Variants in ATAD1 observed in about 807,000 individuals in gnomAD.
ATAD1 encodes the protein outer mitochondrial transmembrane helix translocase.
ATAD1 carries 18 observed loss-of-function variants against 42.7 expected under a neutral mutation model. The ratio of observed to expected loss-of-function variants is 0.42; its 90% confidence interval spans 0.29 to 0.63. The LOEUF (loss-of-function observed/expected upper bound fraction) is 0.63, where lower values mean the gene tolerates loss of function less well. ATAD1 is among the 20% of genes least tolerant of loss of function. The probability of loss-of-function intolerance (pLI) is 0.19; values close to 1 mark genes in which losing one functional copy is unlikely to be tolerated. For missense variants in ATAD1, 294 were observed against 440.4 expected, an observed-to-expected ratio of 0.67 and a Z score of 2.98; for synonymous variants, 132 against 143.1, an observed-to-expected ratio of 0.92 and a Z score of 0.55.
At chr10:87,781,584 T>C (rs1444174250) in intron 5 of ATAD1, among the ~76,000 whole-genome samples, 1 of 152,170 alleles carries the variant, frequency 6.6e-6, no homozygotes, top group Non-Finnish European at 1.5e-5. Flanking sequence ...TTAGAATTGA[T>C]GAAATACTGT....
At chr10:87,758,593 AAC>A (rs1434447722) in intron 8 of ATAD1, among the ~76,000 whole-genome samples, 5 of 152,174 alleles carry the variant, frequency 3.3e-5, no homozygotes, top group African/African-American at 9.6e-5. Context: ...AAGGGAAAAA[AAC>A]AGTCTTTGTG....
At chr10:87,776,844 T>A (rs534804165) in intron 5 of ATAD1, among the ~76,000 whole-genome samples, 4 of 152,170 alleles carry the variant, frequency 2.6e-5, no homozygotes, top group African/African-American at 9.6e-5. Context: ...AGATGATGGG[T>A]ATTCTAATTA....
At chr10:87,755,525 C>CA (rs1022863916) in intron 9 of ATAD1, among the ~76,000 whole-genome samples, 57 of 152,002 alleles carry the variant, frequency 3.7e-4, no homozygotes, top group African/African-American at 1.3e-3. Flanking sequence ...TTTGAGGCAG[C>CA]AAAAAAATAG....
upstream of ATAD1, chr10:87,819,291 A>AAAAAC (rs1857577718): frequency 3.5e-5 from 5 of 141,934 alleles, no homozygotes; most frequent in Admixed American, 7.0e-5. Flanking sequence ...AAAAAAAAAA[A>AAAAAC]CCACCTAAAA....
At chr10:87,841,088 AGG>A in intron 1 of ATAD1, 1 of 152,238 alleles carries the variant, frequency 6.6e-6, no homozygotes, top group Non-Finnish European at 1.5e-5. Context: ...CAGTGGAAGC[AGG>A]ACTGCTTCCA....
At chr10:87,787,706 T>C (rs1173273716) in intron 4 of ATAD1, among the ~76,000 whole-genome samples, 1 of 152,222 alleles carries the variant, frequency 6.6e-6, no homozygotes, top group Admixed American at 6.5e-5. Flanking sequence ...TAGTGACTAT[T>C]TTTCTTTTTT....
intron 1 of ATAD1, among the ~76,000 whole-genome samples, chr10:87,817,541 G>A (rs1021367520): frequency 1.3e-5 from 2 of 152,140 alleles, no homozygotes; most frequent in Non-Finnish European, 2.9e-5. Flanking sequence ...AGCATTCATA[G>A]CATAGCATTC....
chr10:87,783,869 C>A (rs1422538963), intron 5 of ATAD1, among the ~76,000 whole-genome samples: 1 of 149,628 alleles, frequency 6.7e-6, no homozygotes. Context: ...AAACCAGATA[C>A]AAAACGTATA....
chr10:87,832,219 C>T (rs1857844930), intron 1 of ATAD1: 1 of 151,794 alleles, frequency 6.6e-6, no homozygotes, highest in Non-Finnish European at 1.5e-5. Flanking sequence ...ACAAGACCCC[C>T]ATCTCTACAA....
intron 7 of ATAD1, among the ~76,000 whole-genome samples, chr10:87,768,373 G>A (rs538967269): frequency 7.9e-5 from 12 of 152,066 alleles, no homozygotes; most frequent in African/African-American, 2.4e-4. Context: ...CACAAACATC[G>A]ACAAAGCAGA....
At chr10:87,755,432 C>T (rs1201310729) in intron 9 of ATAD1, among the ~76,000 whole-genome samples, 1 of 152,006 alleles carries the variant, frequency 6.6e-6, no homozygotes, top group Non-Finnish European at 1.5e-5. Flanking sequence ...ATTTTTCATA[C>T]TGAAATATAA....
At chr10:87,768,985 G>A (rs555232440) in intron 7 of ATAD1, among the ~76,000 whole-genome samples, 1 of 152,258 alleles carries the variant, frequency 6.6e-6, no homozygotes, top group South Asian at 2.1e-4. Flanking sequence ...GGAGGCTCAG[G>A]TGGAAAGACT....
chr10:87,780,085 G>A (rs1057015575), intron 5 of ATAD1, among the ~76,000 whole-genome samples: 1 of 152,064 alleles, frequency 6.6e-6, no homozygotes, highest in South Asian at 2.1e-4. Context: ...TAGACGAATG[G>A]AAAAACTAAC....
intron 8 of ATAD1, 49 bp downstream of exon 8, chr10:87,767,624 T>C (rs754053475): frequency 8.1e-6 from 12 of 1,487,654 alleles, no homozygotes; most frequent in Admixed American, 1.8e-5. Context: ...AATAACTTTA[T>C]GAACATCAGA....
At chr10:87,789,995 A>C (rs769423814) in intron 4 of ATAD1, among the ~76,000 whole-genome samples, 1 of 152,170 alleles carries the variant, frequency 6.6e-6, no homozygotes, top group Non-Finnish European at 1.5e-5. Context: ...AACAAAACAA[A>C]ACAAAACAAA....
chr10:87,822,304 CAT>C (rs1491293045), upstream of ATAD1, among the ~76,000 whole-genome samples: 2 of 152,074 alleles, frequency 1.3e-5, no homozygotes, highest in African/African-American at 4.8e-5. Flanking sequence ...TCTTCTGAAT[CAT>C]ATGAACCATT....
chr10:87,772,338 T>C (rs1855086182), intron 6 of ATAD1, among the ~76,000 whole-genome samples: 1 of 151,974 alleles, frequency 6.6e-6, no homozygotes, highest in Admixed American at 6.6e-5. Context: ...GTCTGAAACC[T>C]CTGGGCTCAA....
intron 5 of ATAD1, among the ~76,000 whole-genome samples, chr10:87,777,587 C>T (rs1187463701): frequency 1.3e-5 from 2 of 151,278 alleles, no homozygotes; most frequent in African/African-American, 4.9e-5. Flanking sequence ...GGTGCTACAT[C>T]CTAATAATTT....
At chr10:87,832,528 A>C in intron 1 of ATAD1, among the ~76,000 whole-genome samples, 1 of 151,994 alleles carries the variant, frequency 6.6e-6, no homozygotes, top group East Asian at 1.9e-4. Context: ...CTAGCTTTAT[A>C]GTACAACCTA....
Sources: gnomAD v4.1 joint callset for allele counts (sites outside exome capture counted in the v4.1 genomes callset) on GRCh38, gnomAD v4.1.1 for gene constraint, MANE v1.5 for transcripts, NCBI Gene and HGNC (gene_info 2026-07-23, HGNC 2026-07-21) for gene names.